The following FOXP1 variants were observed in gnomAD, a reference collection of about 807,000 sequenced individuals.
The protein encoded by FOXP1 is forkhead box protein P1.
FOXP1 carries 15 observed loss-of-function variants against 98.2 expected under a neutral mutation model. The ratio of observed to expected loss-of-function variants is 0.15; its 90% CI spans 0.10 to 0.24. FOXP1 has a LOEUF of 0.24. Ranked by LOEUF, FOXP1 falls within the 10% of genes least tolerant of loss-of-function variation. The pLI, the probability that FOXP1 is intolerant of heterozygous loss-of-function variation, is 1.00. For missense variants in FOXP1, 633 were observed against 848.5 expected (o/e 0.75, Z 3.15); for synonymous variants, 371 against 314.5 (o/e 1.18, Z -1.90).
intron 4 of FOXP1, among the ~76,000 whole-genome samples, chr3:71,352,382 T>G (rs1160576917): frequency 7.1e-6 from 1 of 140,268 alleles, no homozygotes; most frequent in Non-Finnish European, 1.5e-5. Context: ...GGAGAATCGC[T>G]GGAACCAGGG....
chr3:71,050,017 A>G (rs2049627264), intron 9 of FOXP1, among the ~76,000 whole-genome samples: 1 of 152,146 alleles, frequency 6.6e-6, no homozygotes, highest in South Asian at 2.1e-4. Context: ...AGTGGATGAC[A>G]AAGCATGGAC....
At chr3:71,110,962 T>C (rs2057870647) in intron 7 of FOXP1, among the ~76,000 whole-genome samples, 1 of 152,192 alleles carries the variant, frequency 6.6e-6, no homozygotes, top group African/African-American at 2.4e-5. Context: ...ACAGAAGGGT[T>C]AGTAAACAAG....
At chr3:71,115,066 C>T (rs1559959392) in intron 6 of FOXP1, among the ~76,000 whole-genome samples, 1 of 152,000 alleles carries the variant, frequency 6.6e-6, no homozygotes, top group Non-Finnish European at 1.5e-5. Context: ...ATTTTAAGTG[C>T]TATCATCAGA....
intron 6 of FOXP1, among the ~76,000 whole-genome samples, chr3:71,160,470 G>C (rs2061080063): frequency 6.6e-6 from 1 of 152,216 alleles, no homozygotes; most frequent in South Asian, 2.1e-4. Flanking sequence ...TGATAATCTT[G>C]TGAAAATCAA....
chr3:71,077,734 A>G (rs963764498), intron 7 of FOXP1, among the ~76,000 whole-genome samples: 4 of 152,206 alleles, frequency 2.6e-5, no homozygotes, highest in Non-Finnish European at 2.9e-5. Flanking sequence ...TTATAAACAA[A>G]TGAATAAACC....
At chr3:71,150,714 GC>G (rs1355864539) in intron 6 of FOXP1, among the ~76,000 whole-genome samples, 2 of 152,100 alleles carry the variant, frequency 1.3e-5, no homozygotes, top group African/African-American at 2.4e-5. Flanking sequence ...ACACTCAAAT[GC>G]AGAACTGTCA....
intron 6 of FOXP1, among the ~76,000 whole-genome samples, chr3:71,190,625 T>C (rs1473556250): frequency 2.8e-5 from 3 of 108,264 alleles, no homozygotes; most frequent in Non-Finnish European, 5.0e-5. Flanking sequence ...GTGACCGAGC[T>C]AGACCCCATC....
chr3:71,400,313 T>C (rs548644116), intron 3 of FOXP1, among the ~76,000 whole-genome samples: 2 of 152,254 alleles, frequency 1.3e-5, no homozygotes, highest in African/African-American at 4.8e-5. Flanking sequence ...AGTTAGTGTA[T>C]TGGGTGTTTC....
intron 2 of FOXP1, among the ~76,000 whole-genome samples, chr3:71,541,789 C>A (rs1578099402): frequency 1.3e-5 from 2 of 152,258 alleles, no homozygotes; most frequent in East Asian, 3.9e-4. Context: ...CCATACTGTA[C>A]TGCAGAGATG....
At chr3:71,067,589 A>G (rs55890108) in intron 7 of FOXP1, among the ~76,000 whole-genome samples, 25,583 of 152,046 alleles carry the variant, frequency 0.17, 2,846 homozygotes, top group East Asian at 0.52. Flanking sequence ...AGAAAAGCAA[A>G]GTGATTTCTC....
chr3:71,537,162 T>C (rs958957942), intron 2 of FOXP1, among the ~76,000 whole-genome samples: 1 of 152,126 alleles, frequency 6.6e-6, no homozygotes, highest in African/African-American at 2.4e-5. Flanking sequence ...CTAAAAAACT[T>C]GTCACTGCAG....
chr3:71,461,241 C>T (rs1033489739), intron 3 of FOXP1, among the ~76,000 whole-genome samples: 5 of 152,186 alleles, frequency 3.3e-5, no homozygotes, highest in Non-Finnish European at 7.3e-5. Flanking sequence ...CTCTCCATTT[C>T]AGTCACAATG....
At chr3:71,197,676 A>G (rs974461785) in intron 6 of FOXP1, among the ~76,000 whole-genome samples, 1 of 152,192 alleles carries the variant, frequency 6.6e-6, no homozygotes, top group African/African-American at 2.4e-5. Flanking sequence ...CGTAGAGGGA[A>G]GCAGCTTCCT....
intron 5 of FOXP1, among the ~76,000 whole-genome samples, chr3:71,211,047 G>A (rs974149474): frequency 1.3e-5 from 2 of 152,126 alleles, no homozygotes; most frequent in African/African-American, 2.4e-5. Context: ...TTGAAAACTA[G>A]GCTAAACCTG....
chr3:71,169,581 T>C (rs1266937555), intron 6 of FOXP1, among the ~76,000 whole-genome samples: 1 of 152,136 alleles, frequency 6.6e-6, no homozygotes, highest in South Asian at 2.1e-4. Context: ...TTTGTTTAAC[T>C]GCACCTTTTA....
At chr3:71,263,933 TA>T (rs777597477) in intron 5 of FOXP1, among the ~76,000 whole-genome samples, 70 of 151,622 alleles carry the variant, frequency 4.6e-4, no homozygotes, top group Non-Finnish European at 8.8e-4. Flanking sequence ...TTTTTTAAAT[TA>T]GAGATGAGGT....
chr3:71,020,007 A>G (rs1035492432), intron 11 of FOXP1, among the ~76,000 whole-genome samples: 1 of 152,188 alleles, frequency 6.6e-6, no homozygotes, highest in African/African-American at 2.4e-5. Flanking sequence ...TCTTGTAGGT[A>G]AAGACCAGAA....
At chr3:71,391,010 T>A (rs971857766) in intron 3 of FOXP1, among the ~76,000 whole-genome samples, 1 of 152,210 alleles carries the variant, frequency 6.6e-6, no homozygotes, top group African/African-American at 2.4e-5. Context: ...TCCATCTAAG[T>A]TCCCCCTCCC....
At chr3:71,193,474 A>C (rs2063122709) in intron 6 of FOXP1, among the ~76,000 whole-genome samples, 1 of 124,478 alleles carries the variant, frequency 8.0e-6, no homozygotes. Context: ...TTTTAGACAT[A>C]TTCTCACTTT....
Sources: allele counts gnomAD v4.1 joint callset (sites outside exome capture counted in the v4.1 genomes callset), GRCh38; gene constraint gnomAD v4.1.1; transcripts MANE v1.5; gene names NCBI Gene and HGNC (gene_info 2026-07-23, HGNC 2026-07-21).